The following UTS2B variants were observed in gnomAD, a reference collection of about 807,000 sequenced individuals.
UTS2B encodes the protein urotensin 2B.
Under a neutral mutation model 19.2 loss-of-function variants are expected in UTS2B, and 21 were observed. That is an observed-to-expected ratio of 1.09 (90% CI 0.78 to 1.58). The LOEUF is 1.58. Among genes scored for constraint, UTS2B ranks in the 40% most tolerant of loss-of-function variants. The probability of loss-of-function intolerance (pLI) is 0.00; values close to 1 mark genes in which losing one functional copy is unlikely to be tolerated. For missense variants in UTS2B, 138 were observed against 130.3 expected, an observed-to-expected ratio of 1.06 and a Z score of -0.29; for synonymous variants, 57 against 50.2, an observed-to-expected ratio of 1.14 and a Z score of -0.58.
At chr3:191,341,089 G>T in the UTS2B span, among the ~76,000 whole-genome samples, 1 of 151,998 alleles carries the variant, frequency 6.6e-6, no homozygotes, top group African/African-American at 2.4e-5. Context: ...GCCTGCACTG[G>T]GATCATTTCT....
chr3:191,289,451 A>AAATAAAT (rs1560137145), intron 4 of UTS2B, among the ~76,000 whole-genome samples: 4 of 104,460 alleles, frequency 3.8e-5, no homozygotes, highest in South Asian at 3.4e-4. Context: ...AATAAATAAA[A>AAATAAAT]AACAAACGAA....
chr3:191,329,379 G>T, intron 1 of UTS2B: 1 of 380,006 alleles, frequency 2.6e-6, no homozygotes, highest in Non-Finnish European at 4.6e-6. Context: ...CCTCCGTACT[G>T]GACGGCCCCG....
chr3:191,319,467 G>T (rs564026949), intron 2 of UTS2B, among the ~76,000 whole-genome samples: 3 of 152,156 alleles, frequency 2.0e-5, no homozygotes, highest in Admixed American at 2.0e-4. Flanking sequence ...AGCAGGAGAA[G>T]ATATCTGTTT....
intron 8 of UTS2B, among the ~76,000 whole-genome samples, chr3:191,272,059 G>A (rs1198915132): frequency 6.6e-6 from 1 of 152,112 alleles, no homozygotes; most frequent in East Asian, 1.9e-4. Flanking sequence ...TCCTACTATA[G>A]GTACATTGGA....
chr3:191,331,962 C>T (rs1718003075), upstream of UTS2B, among the ~76,000 whole-genome samples: 2 of 151,974 alleles, frequency 1.3e-5, no homozygotes, highest in Non-Finnish European at 2.9e-5. Context: ...CAAAAAAATC[C>T]CTGTATCTGT....
intron 8 of UTS2B, among the ~76,000 whole-genome samples, chr3:191,274,698 A>C (rs1309727960): frequency 6.6e-6 from 1 of 152,248 alleles, no homozygotes; most frequent in African/African-American, 2.4e-5. Flanking sequence ...GTAAAAATAA[A>C]TATGACTTAG....
intron 3 of UTS2B, among the ~76,000 whole-genome samples, chr3:191,315,224 G>A (rs974225032): frequency 2.6e-5 from 4 of 152,078 alleles, no homozygotes; most frequent in African/African-American, 9.7e-5. Flanking sequence ...TTTTGGCCAG[G>A]CTGGTCTCGA....
intron 4 of UTS2B, among the ~76,000 whole-genome samples, chr3:191,301,995 G>A (rs928729892): frequency 6.6e-6 from 1 of 152,124 alleles, no homozygotes; most frequent in Non-Finnish European, 1.5e-5. Flanking sequence ...ATTAGGTTGA[G>A]GTCTGCTGGG....
At chr3:191,329,468 G>A (rs547588998) in intron 1 of UTS2B, 112 of 478,312 alleles carry the variant, frequency 2.3e-4, no homozygotes, top group African/African-American at 2.3e-3. Context: ...GGGCAGCTGG[G>A]CCGCCAGCTT....
At chr3:191,279,286 T>C (rs770598265) in intron 5 of UTS2B, among the ~76,000 whole-genome samples, 2 of 152,066 alleles carry the variant, frequency 1.3e-5, no homozygotes, top group Non-Finnish European at 2.9e-5. Context: ...TTTTGAGTAT[T>C]TAAAATACCA....
At chr3:191,342,042 G>C in the UTS2B span, among the ~76,000 whole-genome samples, 1 of 152,180 alleles carries the variant, frequency 6.6e-6, no homozygotes, top group South Asian at 2.1e-4. Context: ...TGATCTCAAG[G>C]TATCTTTTAG....
upstream of UTS2B, among the ~76,000 whole-genome samples, chr3:191,331,325 AT>A (rs1282723784): frequency 2.0e-5 from 3 of 152,310 alleles, no homozygotes; most frequent in Admixed American, 2.0e-4. Flanking sequence ...CTTCATATAC[AT>A]TTATATTACC....
At chr3:191,284,926 C>A (rs1402566136) in intron 4 of UTS2B, among the ~76,000 whole-genome samples, 5 of 152,080 alleles carry the variant, frequency 3.3e-5, no homozygotes, top group Non-Finnish European at 5.9e-5. Flanking sequence ...ACCAGTCTTA[C>A]AAGAAATGCT....
chr3:191,275,369 T>C, intron 7 of UTS2B, 24 bp from the exon 8 acceptor site: 1 of 1,583,912 alleles, frequency 6.3e-7, no homozygotes, highest in Non-Finnish European at 8.7e-7. Flanking sequence ...AAAATGATAA[T>C]TAATTGGTCT....
chr3:191,320,993 C>G (rs1008170578), intron 2 of UTS2B, among the ~76,000 whole-genome samples: 1 of 152,158 alleles, frequency 6.6e-6, no homozygotes, highest in Admixed American at 6.5e-5. Flanking sequence ...AAGGGCTTCT[C>G]CCTGATTAAT....
At chr3:191,321,426 T>C (rs1475656284) in intron 2 of UTS2B, among the ~76,000 whole-genome samples, 5 of 152,240 alleles carry the variant, frequency 3.3e-5, no homozygotes, top group Admixed American at 3.3e-4. Context: ...AGTAAAATTG[T>C]GGGTACTCAA....
chr3:191,293,226 A>C (rs917883248), intron 4 of UTS2B, among the ~76,000 whole-genome samples: 7 of 151,056 alleles, frequency 4.6e-5, no homozygotes, highest in Admixed American at 3.3e-4. Context: ...TATATATGTC[A>C]TTGTCCAGTT....
chr3:191,342,885 A>G, the UTS2B span, among the ~76,000 whole-genome samples: 245 of 152,362 alleles, frequency 1.6e-3, 1 homozygote, highest in Non-Finnish European at 2.0e-3. Context: ...CCTTATGACT[A>G]TCAGTGGCCT....
At chr3:191,335,424 C>T (rs1187453100), upstream of UTS2B, among the ~76,000 whole-genome samples, 4 of 152,074 alleles carry the variant, frequency 2.6e-5, no homozygotes, top group Non-Finnish European at 5.9e-5. Flanking sequence ...TAACCTAGAT[C>T]TTAGATAAGA....
Sources: allele counts gnomAD v4.1 joint callset (sites outside exome capture counted in the v4.1 genomes callset), GRCh38; gene constraint gnomAD v4.1.1; transcripts MANE v1.5; gene names NCBI Gene and HGNC (gene_info 2026-07-23, HGNC 2026-07-21).